The following CCNB2 variants were observed in gnomAD, a reference collection of about 807,000 sequenced individuals.
The protein encoded by CCNB2 is G2/mitotic-specific cyclin-B2.
A neutral mutation model predicts 51.1 loss-of-function variants in CCNB2; 39 were observed. The observed-to-expected ratio is 0.76, with a 90% CI of 0.59 to 1.00. The LOEUF is 1.00. CCNB2 is among the 50% of genes least tolerant of loss of function. The pLI is 0.00. For synonymous variants in CCNB2, 174 were observed against 165.5 expected (o/e 1.05, Z -0.40); for missense variants, 472 against 470.3 (o/e 1.00, Z -0.03).
At chr15:59,107,237 A>G in intron 1 of CCNB2, 85 bp from the exon 2 acceptor site, 2 of 1,278,936 alleles carry the variant, frequency 1.6e-6, no homozygotes, top group East Asian at 2.4e-5. Flanking sequence ...TCCTTTCCCA[A>G]AGCAATTCTA....
intron 7 of CCNB2, among the ~76,000 whole-genome samples, chr15:59,119,115 C>T (rs1365601173): frequency 2.0e-5 from 3 of 152,122 alleles, no homozygotes; most frequent in Admixed American, 6.6e-5. Context: ...CTTTATAATA[C>T]AGTGTAACTT....
intron 3 of CCNB2, among the ~76,000 whole-genome samples, chr15:59,109,136 C>T (rs574705476): frequency 2.6e-5 from 4 of 152,242 alleles, no homozygotes; most frequent in East Asian, 1.9e-4. Flanking sequence ...CTGCAACCTC[C>T]GCCTCCCGGG....
At chr15:59,111,681 T>A (rs1420183752) in intron 3 of CCNB2, among the ~76,000 whole-genome samples, 2 of 152,174 alleles carry the variant, frequency 1.3e-5, no homozygotes, top group Admixed American at 6.5e-5. Flanking sequence ...TGCTGACATC[T>A]CAAATCAATT....
chr15:59,123,220 GTGT>G (rs2079310712), intron 7 of CCNB2, among the ~76,000 whole-genome samples: 1 of 152,132 alleles, frequency 6.6e-6, no homozygotes, highest in Non-Finnish European at 1.5e-5. Flanking sequence ...TCCCCTTTCA[GTGT>G]TGTTACTTGA....
chr15:59,105,390 G>A, intron 1 of CCNB2, 98 bp downstream of exon 1: 1 of 1,356,914 alleles, frequency 7.4e-7, no homozygotes, highest in Middle Eastern at 1.9e-4. Context: ...CGTCCCAACC[G>A]GGGCTGCTTT....
At chr15:59,106,919 A>G (rs1277005494) in intron 1 of CCNB2, among the ~76,000 whole-genome samples, 1 of 152,160 alleles carries the variant, frequency 6.6e-6, no homozygotes, top group East Asian at 1.9e-4. Context: ...TTTCATCTTA[A>G]TTTACTTTTT....
intron 3 of CCNB2, among the ~76,000 whole-genome samples, chr15:59,114,179 G>A (rs1374062665): frequency 6.6e-6 from 1 of 152,192 alleles, no homozygotes; most frequent in African/African-American, 2.4e-5. Flanking sequence ...CGAGGGAACT[G>A]GGGAGGGCCA....
intron 8 of CCNB2, 74 bp downstream of exon 8, chr15:59,123,701 G>A (rs1015124939): frequency 2.5e-5 from 18 of 711,322 alleles, no homozygotes; most frequent in Non-Finnish European, 4.2e-5. Context: ...GGCGGGGGGG[G>A]GCGGTGTGTG....
chr15:59,123,692 G>GGGA, intron 8 of CCNB2, 65 bp downstream of exon 8: 1 of 782,602 alleles, frequency 1.3e-6, no homozygotes, highest in Non-Finnish European at 2.1e-6. Flanking sequence ...TGTATGTTGG[G>GGGA]CGGGGGGGGG....
chr15:59,117,115 C>A, intron 6 of CCNB2, 113 bp from the exon 7 acceptor site: 1 of 1,152,632 alleles, frequency 8.7e-7, no homozygotes, highest in Non-Finnish European at 1.3e-6. Context: ...TAGAGTAATT[C>A]TTGAGAAGGA....
intron 7 of CCNB2, among the ~76,000 whole-genome samples, chr15:59,119,778 G>C (rs1435037297): frequency 2.6e-5 from 4 of 152,166 alleles, no homozygotes; most frequent in Non-Finnish European, 5.9e-5. Context: ...TGCTGTCACA[G>C]CTCACTGCAG....
At chr15:59,108,729 G>A (rs1033791153) in intron 3 of CCNB2, among the ~76,000 whole-genome samples, 1 of 152,190 alleles carries the variant, frequency 6.6e-6, no homozygotes, top group African/African-American at 2.4e-5. Flanking sequence ...TGAGGTAACC[G>A]AGGGACATCT....
chr15:59,105,307 G>A lies in CCNB2; in HGVS notation c.24+15G>A. 6.4e-7 allele frequency: 1 copy of A among 1,557,460 alleles called. No homozygotes were observed. The highest frequency in any genetic ancestry group is 8.7e-7 in the Non-Finnish European group (1 of 1,154,984). ...GACGCCCGACGGTGAGTGTGCCCGG[G>A]GACCGCTCTCAGAGGCGAGTCCGTC... is the stretch of plus-strand genomic sequence containing the variant. On this transcript the variant is annotated intron_variant, in intron 1 of 8. Transcript: ENST00000288207.
At chr15:59,124,567 G>C (rs1271849033) in intron 8 of CCNB2, 200 bp from the exon 9 acceptor site, 1 of 575,632 alleles carries the variant, frequency 1.7e-6, no homozygotes, top group Non-Finnish European at 3.1e-6. Context: ...GCTACCAGCT[G>C]TGTTTTATTC....
intron 3 of CCNB2, among the ~76,000 whole-genome samples, chr15:59,113,124 A>G (rs1173911873): frequency 6.6e-6 from 1 of 152,162 alleles, no homozygotes; most frequent in African/African-American, 2.4e-5. Flanking sequence ...TAATTTGCAT[A>G]ATTTTTATAA....
chr15:59,105,197 C>T lies in CCNB2; in HGVS notation c.-72C>T, dbSNP rs564222788. 33 of 1,446,960 alleles carry T rather than the reference C, an allele frequency of 2.3e-5. No homozygotes were observed. In the East Asian group the frequency reaches 5.5e-4, roughly 24 times the overall value. 89.6% of individuals were successfully genotyped at this position (1,446,960 alleles called of 1,614,324 possible). The stretch of plus-strand genomic sequence containing the variant: ...AGAGCAGTCCTAACGGCGCCTCGTA[C>T]GCTAGTGTCCTCCCTTTTCAGTCCG... On this transcript the variant is annotated 5_prime_UTR_variant, in exon 1 of 9. The change creates a new upstream start codon in the 5' untranslated region. Transcript: ENST00000288207.
chr15:59,123,933 G>C (rs1380075865), intron 8 of CCNB2: 2 of 233,918 alleles, frequency 8.5e-6, no homozygotes, highest in Non-Finnish European at 1.7e-5. Flanking sequence ...AGCATCCTGG[G>C]GAGGGCACTT....
At chr15:59,110,824 G>A (rs1484098464) in intron 3 of CCNB2, among the ~76,000 whole-genome samples, 2 of 152,124 alleles carry the variant, frequency 1.3e-5, no homozygotes, top group South Asian at 2.1e-4. Context: ...TGGAGAAAAT[G>A]GTGTTTTTTG....
In CCNB2 at chr15:59,105,302, C is replaced by T. The variant is rs1456282249; in HGVS notation, c.24+10C>T. ...GCTCCGACGCCCGACGGTGAGTGTG[C>T]CCGGGGACCGCTCTCAGAGGCGAGT... On this transcript the variant is annotated intron_variant, in intron 1 of 8. Transcript: ENST00000288207. 1.9e-6 allele frequency: 3 copies of T among 1,559,352 alleles called. No homozygotes were observed. Among genetic ancestry groups the T allele is most frequent in the Non-Finnish European group, 1.7e-6 (2 of 1,155,884 alleles).
Sources: gnomAD v4.1 joint callset for allele counts (sites outside exome capture counted in the v4.1 genomes callset) on GRCh38, gnomAD v4.1.1 for gene constraint, MANE v1.5 for transcripts, NCBI Gene and HGNC (gene_info 2026-07-23, HGNC 2026-07-21) for gene names.